Variants in CCDC178 observed in about 807,000 individuals in gnomAD.
CCDC178 encodes coiled-coil domain-containing protein 178.
A neutral mutation model predicts 117.4 loss-of-function variants in CCDC178; 126 were observed. That is an observed-to-expected ratio of 1.07 (90% confidence interval 0.93 to 1.24). The LOEUF is 1.24. Ranked by LOEUF, CCDC178 falls within the 50% of genes most tolerant of loss-of-function variation. CCDC178 has a pLI of 0.00. For synonymous variants in CCDC178, 283 were observed against 313.4 expected (o/e 0.90, Z 1.02); for missense variants, 1,030 against 986.9 (o/e 1.04, Z -0.59).
intron 12 of CCDC178, 110 bp from the exon 13 acceptor site, chr18:33,267,407 A>C: frequency 1.6e-6 from 1 of 615,168 alleles, no homozygotes; most frequent in South Asian, 3.2e-5. Context: ...GTTACATAAA[A>C]ATTGAAAAAC....
intron 20 of CCDC178, among the ~76,000 whole-genome samples, chr18:33,162,734 C>T (rs1214420405): frequency 6.6e-6 from 1 of 152,158 alleles, no homozygotes; most frequent in Non-Finnish European, 1.5e-5. Context: ...GCCTCCAGCT[C>T]TGTCCATGTT....
Position 33,283,077 on chromosome 18 carries a change from C to T in CCDC178, c.1176+10082G>A, listed in dbSNP as rs756550721. Among the ~76,000 whole-genome samples the T allele has an allele frequency of 1.1e-4, 17 of 152,150 alleles. 1 individual carries two copies. The highest frequency in any genetic ancestry group is 1.0e-3 in the South Asian group (5 of 4,832). On this transcript the variant is annotated intron_variant, in intron 12 of 22. Coordinates refer to ENST00000383096, the MANE Select transcript of CCDC178 (RefSeq NM_001105528.4). Reference sequence around the variant, plus strand: ...GTGAAAGCTAGCAGGGAGGCAGACACCCCTGCATCCACTAGCACTCTGCTG... The same window carrying T: ...GTGAAAGCTAGCAGGGAGGCAGACATCCCTGCATCCACTAGCACTCTGCTG...
intron 21 of CCDC178, among the ~76,000 whole-genome samples, chr18:33,075,371 TC>T (rs1168030158): frequency 2.6e-5 from 4 of 152,178 alleles, no homozygotes; most frequent in Non-Finnish European, 4.4e-5. Flanking sequence ...TGCTAATTAA[TC>T]TATATTTGCT....
At chr18:33,254,990 G>T (rs1365372265) in intron 14 of CCDC178, among the ~76,000 whole-genome samples, 1 of 152,016 alleles carries the variant, frequency 6.6e-6, no homozygotes, top group Non-Finnish European at 1.5e-5. Flanking sequence ...CTCATGAATG[G>T]CTTTGTGCTG....
intron 21 of CCDC178, among the ~76,000 whole-genome samples, chr18:33,062,747 C>T (rs1302608058): frequency 6.6e-6 from 1 of 152,138 alleles, no homozygotes; most frequent in Non-Finnish European, 1.5e-5. Flanking sequence ...GAAGCTGAAG[C>T]ATGGCACCAT....
At chr18:33,362,390 C>T (rs2063142699) in intron 6 of CCDC178, among the ~76,000 whole-genome samples, 1 of 151,338 alleles carries the variant, frequency 6.6e-6, no homozygotes, top group African/African-American at 2.4e-5. Flanking sequence ...CAGTGGTTAC[C>T]ACAGGTGGGA....
intron 14 of CCDC178, 146 bp downstream of exon 14, chr18:33,266,770 G>A: frequency 1.2e-6 from 1 of 829,088 alleles, no homozygotes; most frequent in Non-Finnish European, 1.8e-6. Context: ...AGTGACTAAA[G>A]GCAACATTTT....
intron 21 of CCDC178, among the ~76,000 whole-genome samples, chr18:33,036,156 T>C (rs2144877735): frequency 6.6e-6 from 1 of 152,076 alleles, no homozygotes; most frequent in African/African-American, 2.4e-5. Context: ...AGAATACCTA[T>C]GTGATTAGTC....
intron 20 of CCDC178, among the ~76,000 whole-genome samples, chr18:33,128,808 A>G (rs2058038206): frequency 6.6e-6 from 1 of 151,980 alleles, no homozygotes; most frequent in Non-Finnish European, 1.5e-5. Context: ...TCCAAATACA[A>G]TTTTCTTTTT....
intron 21 of CCDC178, among the ~76,000 whole-genome samples, chr18:33,013,372 T>C (rs2144805559): frequency 6.6e-6 from 1 of 152,266 alleles, no homozygotes; most frequent in East Asian, 1.9e-4. Flanking sequence ...TATTTACCTT[T>C]TCCAAGTTTA....
chr18:33,217,635 A>G (rs2059182328), intron 18 of CCDC178, among the ~76,000 whole-genome samples: 1 of 152,022 alleles, frequency 6.6e-6, no homozygotes, highest in Non-Finnish European at 1.5e-5. Context: ...TGTATAAATA[A>G]ATGGTAATTT....
intron 21 of CCDC178, among the ~76,000 whole-genome samples, chr18:33,012,295 C>T (rs1047237386): frequency 1.3e-5 from 2 of 152,108 alleles, no homozygotes; most frequent in Non-Finnish European, 2.9e-5. Context: ...TTTCTACATG[C>T]ATACTAATTA....
intron 22 of CCDC178, among the ~76,000 whole-genome samples, chr18:32,950,581 C>T (rs1162891925): frequency 6.6e-6 from 1 of 152,056 alleles, no homozygotes; most frequent in Admixed American, 6.6e-5. Context: ...TTCCTGGTTT[C>T]CAACAGTTAC....
chr18:33,381,462 C>A (rs377621111), intron 5 of CCDC178, among the ~76,000 whole-genome samples: 1 of 152,060 alleles, frequency 6.6e-6, no homozygotes, highest in Admixed American at 6.5e-5. Context: ...CTTAATTGCA[C>A]CTCAGTCATT....
intron 11 of CCDC178, among the ~76,000 whole-genome samples, chr18:33,308,892 T>C (rs1274534916): frequency 6.6e-6 from 1 of 152,196 alleles, no homozygotes; most frequent in Non-Finnish European, 1.5e-5. Context: ...CTCACAAGCC[T>C]TGCAGAACTG....
chr18:33,206,766 T>C (rs1192917762), intron 20 of CCDC178, among the ~76,000 whole-genome samples: 1 of 152,168 alleles, frequency 6.6e-6, no homozygotes, highest in Non-Finnish European at 1.5e-5. Flanking sequence ...ACCATACACT[T>C]CTTGTAACAG....
chr18:33,092,769 T>C lies in CCDC178; in HGVS notation c.2380A>G (p.Lys794Glu), dbSNP rs1221104179. The C allele has an allele frequency of 1.3e-6, 2 of 1,527,098 alleles. No individual in the cohort carries two copies. Among genetic ancestry groups the C allele is most frequent in the Non-Finnish European group, 8.9e-7 (1 of 1,117,704 alleles). 94.6% of individuals were successfully genotyped at this position (1,527,098 alleles called of 1,614,324 possible). ...QLSLDTSIRD[K>E]KQLCQLQRRM... ...ATTAGAAAAACCAATACCTGTTTCT[T>C]ATCTCTAATTGAAGTATCAAGTGAT... The change falls in exon 21 of 23, where the codon AAG (lysine) becomes GAG (glutamate). Residue 794 changes from lysine to glutamate, a missense_variant. Coordinates refer to ENST00000383096, the MANE Select transcript of CCDC178 (RefSeq NM_001105528.4).
At chr18:33,370,447 T>C (rs1024382001) in intron 5 of CCDC178, among the ~76,000 whole-genome samples, 9 of 151,066 alleles carry the variant, frequency 6.0e-5, no homozygotes, top group Admixed American at 3.3e-4. Flanking sequence ...TCAAGCAAAG[T>C]TGAAAAACAT....
In CCDC178 at chr18:33,346,356, A is replaced by C; in HGVS notation, c.513T>G (p.Ile171Met). ...CAGTTTCTAGACTTTTAATGAGACG[A>C]ATGGCCTCTGAGAGCAATGTTTCCA... is the stretch of plus-strand genomic sequence containing the variant. ...QEMETLLSEA[I>M]RLIKSLETDR... The change falls in exon 9 of 23, where the codon ATT becomes ATG. Residue 171 changes from isoleucine to methionine, a missense_variant. Coordinates refer to ENST00000383096, the MANE Select transcript of CCDC178 (RefSeq NM_001105528.4). 1 of 1,613,830 alleles carries C rather than the reference A, an allele frequency of 6.2e-7. No individual in the cohort carries two copies. The highest frequency in any genetic ancestry group is 8.5e-7 in the Non-Finnish European group (1 of 1,179,794).
Sources: allele counts gnomAD v4.1 joint callset (sites outside exome capture counted in the v4.1 genomes callset), GRCh38; gene constraint gnomAD v4.1.1; transcripts MANE v1.5; gene names NCBI Gene and HGNC (gene_info 2026-07-23, HGNC 2026-07-21).